Variants in FNDC5 observed in about 807,000 individuals in gnomAD.
FNDC5 encodes the protein fibronectin type III domain-containing protein 5.
FNDC5 carries 10 observed loss-of-function variants against 24.6 expected under a neutral mutation model. That is an observed-to-expected ratio of 0.41 (90% CI 0.25 to 0.69). The LOEUF is 0.69. Ranked by LOEUF, FNDC5 falls within the 30% of genes least tolerant of loss-of-function variation. FNDC5 has a pLI of 0.34. For synonymous variants in FNDC5, 90 were observed against 110.7 expected (o/e 0.81, Z 1.18); for missense variants, 226 against 282.9 (o/e 0.80, Z 1.44).
chr1:32,863,951 T>C lies in FNDC5; in HGVS notation c.*343A>G. 1 of 1,282,846 alleles carries C rather than the reference T, an allele frequency of 7.8e-7. No homozygotes were observed. Among genetic ancestry groups the C allele is most frequent in the South Asian group, 1.5e-5 (1 of 66,124 alleles). The allele number at this position is 1,282,846 out of a possible 1,614,324, so 79.5% of individuals were successfully genotyped here. A position where few individuals can be genotyped will look rare whatever the true frequency, so the allele number is the denominator to read the frequency against. On this transcript the variant is annotated 3_prime_UTR_variant, in exon 6 of 6. Coordinates refer to ENST00000373471, the MANE Select transcript of FNDC5 (RefSeq NM_153756.3). ...AGCCCTGCCTGGATGTCTTGTCTTT[T>C]TGCCTTTTCAAACCCAGCCTTCAGC...
At chr1:32,872,198 T>A (rs915843838), upstream of FNDC5, among the ~76,000 whole-genome samples, 1 of 152,070 alleles carries the variant, frequency 6.6e-6, no homozygotes, top group African/African-American at 2.4e-5. Flanking sequence ...ACAACCCTCC[T>A]CTCCTTATGC....
At chr1:32,866,368 A>G (rs1569989524) in intron 4 of FNDC5, among the ~76,000 whole-genome samples, 1 of 152,258 alleles carries the variant, frequency 6.6e-6, no homozygotes, top group East Asian at 1.9e-4. Flanking sequence ...CCATGGTAAT[A>G]AAGCTTTAGC....
At chr1:32,870,589 C>T in intron 1 of FNDC5, 64 bp downstream of exon 1, 1 of 1,043,430 alleles carries the variant, frequency 9.6e-7, no homozygotes, top group Non-Finnish European at 1.2e-6. Context: ...CCAGGGGACT[C>T]CCAGGTAGCT....
chr1:32,864,413 C>T, intron 5 of FNDC5, 114 bp from the exon 6 acceptor site: 2 of 1,524,178 alleles, frequency 1.3e-6, no homozygotes, highest in Non-Finnish European at 8.8e-7. Flanking sequence ...CCCGCGCCAA[C>T]CAAGAATTCT....
At position 32,868,873 on chromosome 1, in the gene FNDC5, G is replaced by C. The variant is rs1208190249; in HGVS notation, c.210+9C>G. 2.4e-6 allele frequency: 3 copies of C among 1,236,578 alleles called. No homozygotes were observed. The African/African-American group carries it at 4.6e-5, about 19-fold the overall frequency. The allele number at this position is 1,236,578 out of a possible 1,614,324, so 76.6% of individuals were successfully genotyped here. A position where few individuals can be genotyped will look rare whatever the true frequency, so the allele number is the denominator to read the frequency against. On this transcript the variant is annotated intron_variant, in intron 2 of 5. Coordinates refer to ENST00000373471, the MANE Select transcript of FNDC5 (RefSeq NM_153756.3). The surrounding 1 kb of genome is among the most constrained non-coding windows in gnomAD (Gnocchi z 4.8). ...GTGTCCTTCCCTCCTAAGGACAGTG[G>C]AGCATTACCTGCTGGGAGATGGCAA...
rs1640984900 is a variant in FNDC5 at position 32,862,397 on chromosome 1, G to C, written c.*1897C>G. 6.5e-6 allele frequency: 1 copy of C among 152,704 alleles called. No individual in the cohort carries two copies. Among genetic ancestry groups the C allele is most frequent in the African/African-American group, 2.4e-5 (1 of 41,470 alleles). 9.5% of individuals were successfully genotyped at this position (152,704 alleles called of 1,614,324 possible). A position where few individuals can be genotyped will look rare whatever the true frequency, so the allele number is the denominator to read the frequency against. ...CATTCAGCAGGGATGGAAGTCACAAGACAATGAGTGGAGCCTCATGCCCTC... is the reference window on the plus strand; with the variant it reads ...CATTCAGCAGGGATGGAAGTCACAACACAATGAGTGGAGCCTCATGCCCTC... On this transcript the variant is annotated 3_prime_UTR_variant, in exon 6 of 6. Transcript: ENST00000373471.
chr1:32,867,727 A>T, intron 4 of FNDC5, 26 bp downstream of exon 4: 1 of 1,607,842 alleles, frequency 6.2e-7, no homozygotes, highest in African/African-American at 1.3e-5. Flanking sequence ...CTGAGGGAAG[A>T]AGAAGGTCTC....
intron 1 of FNDC5, 133 bp from the exon 2 acceptor site, chr1:32,869,130 G>A: frequency 2.4e-6 from 1 of 417,206 alleles, no homozygotes; most frequent in Non-Finnish European, 4.1e-6. Flanking sequence ...GCCTCAAGTG[G>A]GGTCCAGTGA....
chr1:32,869,685 G>C (rs1332572779), intron 1 of FNDC5, among the ~76,000 whole-genome samples: 1 of 152,174 alleles, frequency 6.6e-6, no homozygotes, highest in Non-Finnish European at 1.5e-5. Context: ...GAACAGGTAG[G>C]GGAAGAGGAT....
intron 3 of FNDC5, 29 bp from the exon 4 acceptor site, chr1:32,867,871 A>C (rs1569992096): frequency 6.2e-7 from 1 of 1,607,708 alleles, no homozygotes; most frequent in South Asian, 1.1e-5. Context: ...TAGATCCAGC[A>C]CTCCTTTCCT....
Position 32,863,966 on chromosome 1 carries a change from C to A in FNDC5, c.*328G>T. ...TCTTGTCTTTTTGCCTTTTCAAACC[C>A]AGCCTTCAGCCTCACTCAACTGAAT... On this transcript the variant is annotated 3_prime_UTR_variant, in exon 6 of 6. Coordinates refer to ENST00000373471, the MANE Select transcript of FNDC5 (RefSeq NM_153756.3). 1 of 1,300,848 alleles carries A rather than the reference C, an allele frequency of 7.7e-7. No individual in the cohort carries two copies. Among genetic ancestry groups the A allele is most frequent in the Non-Finnish European group, 9.9e-7 (1 of 1,012,174 alleles). 80.6% of individuals were successfully genotyped at this position (1,300,848 alleles called of 1,614,324 possible). A position where few individuals can be genotyped will look rare whatever the true frequency, so the allele number is the denominator to read the frequency against.
At position 32,864,763 on chromosome 1, in the gene FNDC5, G is replaced by T; in HGVS notation, c.534C>A (p.Ile178=). ...TGTTATTGGGTTCATTGTCCTTGAT[G>T]ATGTCATACTGGCGGCAGAAGAGGG... The change falls in exon 5 of 6, where the codon ATC becomes ATA. Residue 178 remains isoleucine, a synonymous_variant. Transcript: ENST00000373471. The T allele has an allele frequency of 4.3e-6, 7 of 1,614,216 alleles. No homozygotes were observed. In the South Asian group the frequency reaches 7.7e-5, roughly 18 times the overall value.
Position 32,870,883 on chromosome 1 carries a change from G to A in FNDC5, c.-137C>T, listed in dbSNP as rs559250116. ...CGGCCGCCCTGCGCCGCCCCGAGCCGCCTGCATGTCGGCTCCGCGGACAGC... is the reference window on the plus strand; with the variant it reads ...CGGCCGCCCTGCGCCGCCCCGAGCCACCTGCATGTCGGCTCCGCGGACAGC... On this transcript the variant is annotated 5_prime_UTR_variant, in exon 1 of 6. Coordinates refer to ENST00000373471, the MANE Select transcript of FNDC5 (RefSeq NM_153756.3). The A allele has an allele frequency of 2.9e-3, 438 of 151,490 alleles. 6 individuals carry two copies. The highest frequency in any genetic ancestry group is 0.01 in the African/African-American group (414 of 40,540). 9.4% of individuals were successfully genotyped at this position (151,490 alleles called of 1,614,324 possible).
intron 1 of FNDC5, among the ~76,000 whole-genome samples, chr1:32,870,198 G>C (rs1398473440): frequency 1.3e-5 from 2 of 152,086 alleles, no homozygotes; most frequent in Non-Finnish European, 2.9e-5. Context: ...CACGCCCTGC[G>C]CCCTCAGGTG....
At position 32,864,259 on chromosome 1, in the gene FNDC5, T is replaced by G. The variant is rs1229683201; in HGVS notation, c.*35A>C. The stretch of plus-strand genomic sequence containing the variant: ...CCTCTCACATTCTCTACTGTCTGTC[T>G]TCTTAGCTGCTGAGGGCAAGCACTG... On this transcript the variant is annotated 3_prime_UTR_variant, in exon 6 of 6. Coordinates refer to ENST00000373471, the MANE Select transcript of FNDC5 (RefSeq NM_153756.3). 1.2e-6 allele frequency: 2 copies of G among 1,614,086 alleles called. No homozygotes were observed. Among genetic ancestry groups the G allele is most frequent in the East Asian group, 2.2e-5 (1 of 44,898 alleles).
In FNDC5 at chr1:32,867,808, T is replaced by C. The variant is rs1360478458; in HGVS notation, c.444A>G (p.Gln148=). 1.9e-6 allele frequency: 3 copies of C among 1,613,916 alleles called. No individual in the cohort carries two copies. The highest frequency in any genetic ancestry group is 2.5e-6 in the Non-Finnish European group (3 of 1,180,004). ...TCAGCACCTCGCCTGTCCGCAGCTG[T>C]TGGTTCCTCCCCATCTCTTTCATGG... Residue 148 remains glutamine, a synonymous_variant, in exon 4 of 6, where the codon CAA becomes CAG. Transcript: ENST00000373471.
chr1:32,864,663 C>G lies in FNDC5; in HGVS notation c.633+1G>C. ...CACCCAGGCCCAGGTCTTGCCCTCACCTTGCTGCGGAGAAGCCCCCCGCCC... is the reference window on the plus strand; with the variant it reads ...CACCCAGGCCCAGGTCTTGCCCTCAGCTTGCTGCGGAGAAGCCCCCCGCCC... On this transcript the variant is annotated splice_donor_variant, in intron 5 of 5. Transcript: ENST00000373471. LOFTEE classifies it high-confidence loss of function. The G allele has an allele frequency of 6.2e-7, 1 of 1,614,026 alleles. No individual in the cohort carries two copies. Among genetic ancestry groups the G allele is most frequent in the Non-Finnish European group, 8.5e-7 (1 of 1,180,044 alleles).
chr1:32,868,466 G>T lies in FNDC5; in HGVS notation c.211-78C>A. 1 of 1,427,906 alleles carries T rather than the reference G, an allele frequency of 7.0e-7. No individual in the cohort carries two copies. Among genetic ancestry groups the T allele is most frequent in the Non-Finnish European group, 9.6e-7 (1 of 1,046,912 alleles). The allele number at this position is 1,427,906 out of a possible 1,614,324, so 88.5% of individuals were successfully genotyped here. A position where few individuals can be genotyped will look rare whatever the true frequency, so the allele number is the denominator to read the frequency against. ...CTGCCCACCTCCCAGTGGTGACAAA[G>T]CCTTTACATACACAATCTTCATCAT... On this transcript the variant is annotated intron_variant, in intron 2 of 5. Coordinates refer to ENST00000373471, the MANE Select transcript of FNDC5 (RefSeq NM_153756.3). The surrounding 1 kb of genome is among the most constrained non-coding windows in gnomAD (Gnocchi z 4.8).
intron 1 of FNDC5, 59 bp from the exon 2 acceptor site, chr1:32,869,056 T>G: frequency 9.9e-7 from 1 of 1,008,348 alleles, no homozygotes; most frequent in Non-Finnish European, 1.3e-6. Context: ...CCAGACCCAC[T>G]GTCTCATAAG....
Sources: allele counts gnomAD v4.1 joint callset (sites outside exome capture counted in the v4.1 genomes callset), GRCh38; gene constraint gnomAD v4.1.1; non-coding constraint Gnocchi (gnomAD v3.1); transcripts MANE v1.5; gene names NCBI Gene and HGNC (gene_info 2026-07-23, HGNC 2026-07-21).